The following RYR2 variants were observed in gnomAD, a reference collection of about 807,000 sequenced individuals.
The protein encoded by RYR2 is cardiac muscle ryanodine receptor-calcium release channel.
Under a neutral mutation model 601.1 loss-of-function variants are expected in RYR2, and 227 were observed. The ratio of observed to expected loss-of-function variants is 0.38; its 90% CI spans 0.34 to 0.42. The LOEUF (loss-of-function observed/expected upper bound fraction) is 0.42, where lower values mean the gene tolerates loss of function less well. RYR2 is among the 10% of genes least tolerant of loss of function. The probability of loss-of-function intolerance (pLI) is 1.00; values close to 1 mark genes in which losing one functional copy is unlikely to be tolerated. For synonymous variants in RYR2, 2,223 were observed against 2,175.1 expected, an observed-to-expected ratio of 1.02 and a Z score of -0.61; for missense variants, 4,646 against 6,156.5, an observed-to-expected ratio of 0.75 and a Z score of 8.21.
In RYR2 at chr1:237,180,412, C is replaced by T. The variant is rs1017457733; in HGVS notation, c.49-90085C>T. On this transcript the variant is annotated intron_variant, in intron 1 of 104. Coordinates refer to ENST00000366574, the MANE Select transcript of RYR2 (RefSeq NM_001035.3). The surrounding 1 kb of genome is among the most constrained non-coding windows in gnomAD (Gnocchi z 5.3). Reference sequence around the variant, plus strand: ...GGGCCTGATTTATCTCTTGATTGCTCTCTGGTAACCGACTCTCCAGCCTCT... The same window carrying T: ...GGGCCTGATTTATCTCTTGATTGCTTTCTGGTAACCGACTCTCCAGCCTCT... Among the ~76,000 whole-genome samples the T allele has an allele frequency of 2.6e-5, 4 of 151,954 alleles. No individual in the cohort carries two copies. Among genetic ancestry groups the T allele is most frequent in the Non-Finnish European group, 5.9e-5 (4 of 68,018 alleles).
chr1:237,584,657 T>TTTTTTC (rs1559066726), intron 29 of RYR2, among the ~76,000 whole-genome samples: 3 of 135,604 alleles, frequency 2.2e-5, no homozygotes, highest in Non-Finnish European at 4.7e-5. Flanking sequence ...CTGTTTTTTT[T>TTTTTTC]TTTTTTTTTT....
intron 66 of RYR2, among the ~76,000 whole-genome samples, chr1:237,703,776 T>C (rs909943009): frequency 1.3e-5 from 2 of 151,714 alleles, no homozygotes; most frequent in African/African-American, 4.8e-5. Flanking sequence ...AGACTACACA[T>C]TTAGCAGTTA....
At chr1:237,604,318 G>A (rs1321084661) in intron 35 of RYR2, among the ~76,000 whole-genome samples, 1 of 152,178 alleles carries the variant, frequency 6.6e-6, no homozygotes, top group East Asian at 1.9e-4. Flanking sequence ...GCTCCTGAAT[G>A]ACTATGGGGT....
chr1:237,416,902 A>G lies in RYR2; in HGVS notation c.774-147A>G, dbSNP rs1326568053. On this transcript the variant is annotated intron_variant, in intron 10 of 104. Coordinates refer to ENST00000366574, the MANE Select transcript of RYR2 (RefSeq NM_001035.3). Reference sequence around the variant, plus strand: ...ATTTTGGTTATTTTTATTTCCAGCTATACTGTCTCCTGCCAAAAAAGTATA... The same window carrying G: ...ATTTTGGTTATTTTTATTTCCAGCTGTACTGTCTCCTGCCAAAAAAGTATA... 4.3e-5 allele frequency: 29 copies of G among 678,752 alleles called. No homozygotes were observed. In the Admixed American group the frequency reaches 6.2e-4, roughly 15 times the overall value. The allele number at this position is 678,752 out of a possible 1,614,324, so 42.0% of individuals were successfully genotyped here. A position where few individuals can be genotyped will look rare whatever the true frequency, so the allele number is the denominator to read the frequency against.
chr1:237,519,980 G>A (rs1316774108), intron 24 of RYR2, among the ~76,000 whole-genome samples: 2 of 151,878 alleles, frequency 1.3e-5, no homozygotes, highest in Non-Finnish European at 2.9e-5. Context: ...AGTTTCTCTT[G>A]TACAGATCTT....
At chr1:237,166,114 A>C (rs1207219127) in intron 1 of RYR2, among the ~76,000 whole-genome samples, 2 of 152,206 alleles carry the variant, frequency 1.3e-5, no homozygotes, top group Non-Finnish European at 2.9e-5. Flanking sequence ...CTGTCAGGCC[A>C]CCACTGGGTG....
rs1271785307 is a variant in RYR2 at position 237,700,484 on chromosome 1, C to A, written c.9367+17C>A. 4.6e-6 allele frequency: 6 copies of A among 1,301,388 alleles called. No homozygotes were observed. Among genetic ancestry groups the A allele is most frequent in the African/African-American group, 1.5e-5 (1 of 66,302 alleles). The allele number at this position is 1,301,388 out of a possible 1,614,324, so 80.6% of individuals were successfully genotyped here. ...ACCTAATATGTATGTAAATTTATAT[C>A]TTGGAGTTTTTTTTTTTTTAATCGA... On this transcript the variant is annotated intron_variant, in intron 65 of 104. Coordinates refer to ENST00000366574, the MANE Select transcript of RYR2 (RefSeq NM_001035.3).
intron 75 of RYR2, 126 bp from the exon 76 acceptor site, chr1:237,726,959 AAT>A: frequency 1.7e-6 from 1 of 582,590 alleles, no homozygotes; most frequent in Middle Eastern, 3.8e-4. Context: ...TGGAATTCCA[AAT>A]ATAGATTACT....
intron 1 of RYR2, among the ~76,000 whole-genome samples, chr1:237,154,502 A>G (rs1355873935): frequency 1.3e-5 from 2 of 152,166 alleles, no homozygotes; most frequent in Non-Finnish European, 2.9e-5. Context: ...AAACCTGCTT[A>G]CCTAGCTTTC....
chr1:237,289,071 C>T (rs1381599388), intron 2 of RYR2, among the ~76,000 whole-genome samples: 4 of 152,252 alleles, frequency 2.6e-5, no homozygotes, highest in South Asian at 2.1e-4. Flanking sequence ...AACAGACCTT[C>T]GGCTTCTCCA....
At chr1:237,724,184 CATATATATATATAT>C (rs35705894) in intron 74 of RYR2, among the ~76,000 whole-genome samples, 2,469 of 136,676 alleles carry the variant, frequency 0.018, 48 homozygotes, top group Non-Finnish European at 0.029. Context: ...TGTGTGTGTG[CATATATATATATAT>C]ATATATATAT....
intron 1 of RYR2, among the ~76,000 whole-genome samples, chr1:237,145,407 A>G (rs1673899594): frequency 6.6e-6 from 1 of 152,108 alleles, no homozygotes; most frequent in African/African-American, 2.4e-5. Flanking sequence ...CTGTCTGTGG[A>G]CAACTGGGTT....
At chr1:237,556,948 A>G (rs1489912197) in intron 27 of RYR2, among the ~76,000 whole-genome samples, 1 of 149,582 alleles carries the variant, frequency 6.7e-6, no homozygotes, top group African/African-American at 2.5e-5. Flanking sequence ...TTGTTATCTC[A>G]AAGTTTCTGT....
intron 62 of RYR2, among the ~76,000 whole-genome samples, chr1:237,681,259 A>C (rs1184343668): frequency 6.6e-6 from 1 of 152,252 alleles, no homozygotes; most frequent in Non-Finnish European, 1.5e-5. Context: ...CAAAATTTCT[A>C]TAAAAGTGAA....
At chr1:237,680,685 T>G in intron 62 of RYR2, 108 bp downstream of exon 62, 1 of 717,922 alleles carries the variant, frequency 1.4e-6, no homozygotes, top group Non-Finnish European at 2.2e-6. Flanking sequence ...ATCTGCCCAT[T>G]TCCCTGGTCC....
Position 237,784,041 on chromosome 1 carries a change from C to A in RYR2, c.12329C>A (p.Pro4110His). ...VLLTNLSEHM[P>H]NDTRLQTFLE... Reference sequence around the variant, plus strand: ...CTGACAAACCTCTCTGAGCACATGCCCAACGATACCCGACTTCAGACTTTT... The same window carrying A: ...CTGACAAACCTCTCTGAGCACATGCACAACGATACCCGACTTCAGACTTTT... Residue 4110 changes from proline (P) to histidine (H), a missense_variant, in exon 90 of 105, where the codon CCC becomes CAC. By Grantham distance (77) the Pro-to-His change is moderately conservative. Coordinates refer to ENST00000366574, the MANE Select transcript of RYR2 (RefSeq NM_001035.3). This position sits in a 1 kb window ranked among gnomAD's most constrained non-coding sequence, Gnocchi z 7.1. 1 of 1,613,992 alleles carries A rather than the reference C, an allele frequency of 6.2e-7. No individual in the cohort carries two copies. The highest frequency in any genetic ancestry group is 8.5e-7 in the Non-Finnish European group (1 of 1,179,886).
At chr1:237,370,556 A>AG (rs1261177108) in intron 6 of RYR2, among the ~76,000 whole-genome samples, 1 of 152,070 alleles carries the variant, frequency 6.6e-6, no homozygotes, top group Non-Finnish European at 1.5e-5. Flanking sequence ...GGAATGGTAG[A>AG]GGGGGAAGAA....
intron 1 of RYR2, among the ~76,000 whole-genome samples, chr1:237,240,384 CT>C (rs1686018412): frequency 6.6e-6 from 1 of 151,944 alleles, no homozygotes; most frequent in Non-Finnish European, 1.5e-5. Context: ...CCCCAAACAC[CT>C]TTTATTAATA....
intron 1 of RYR2, among the ~76,000 whole-genome samples, chr1:237,201,295 A>G (rs1055407388): frequency 3.9e-5 from 6 of 152,156 alleles, no homozygotes; most frequent in Non-Finnish European, 8.8e-5. Flanking sequence ...TGCCCTCACT[A>G]TTATTCAAGG....
Sources: gnomAD v4.1 joint callset for allele counts (sites outside exome capture counted in the v4.1 genomes callset) on GRCh38, gnomAD v4.1.1 for gene constraint, Gnocchi (gnomAD v3.1) non-coding constraint, MANE v1.5 for transcripts, NCBI Gene and HGNC (gene_info 2026-07-23, HGNC 2026-07-21) for gene names.